The following SPMIP4 variants were observed in gnomAD, a reference collection of about 807,000 sequenced individuals.
SPMIP4 encodes the protein sperm microtubule inner protein 4, also known as sperm-associated microtubule inner protein 4.
chr7:25,165,927 C>G, the SPMIP4 span, among the ~76,000 whole-genome samples: 43 of 152,136 alleles, frequency 2.8e-4, no homozygotes, highest in African/African-American at 1.0e-3. Context: ...TTTGGAACAC[C>G]CCGCTTCCCA....
chr7:25,159,814 G>A, the SPMIP4 span, among the ~76,000 whole-genome samples: 1 of 151,984 alleles, frequency 6.6e-6, no homozygotes, highest in Non-Finnish European at 1.5e-5. Flanking sequence ...GGGCACAAAG[G>A]GCAGGGAAGT....
At chr7:25,134,896 C>G in the SPMIP4 span, 4 of 985,374 alleles carry the variant, frequency 4.1e-6, no homozygotes, top group Non-Finnish European at 4.8e-6. Context: ...ATTATTTCAC[C>G]ATGTAAACTT....
chr7:25,151,829 T>G, the SPMIP4 span: 1 of 498,630 alleles, frequency 2.0e-6, no homozygotes, highest in East Asian at 3.4e-5. Context: ...GAGATTCAGC[T>G]TGCTCTTGAA....
At chr7:25,176,793 T>C in the SPMIP4 span, among the ~76,000 whole-genome samples, 6 of 152,348 alleles carry the variant, frequency 3.9e-5, no homozygotes, top group East Asian at 1.2e-3. The surrounding 1 kb of genome is among the most constrained non-coding windows in gnomAD (Gnocchi z 4.4). Context: ...ATGAGGAATG[T>C]GTGTTAGTTT....
chr7:25,164,175 C>T, the SPMIP4 span, among the ~76,000 whole-genome samples: 1 of 152,162 alleles, frequency 6.6e-6, no homozygotes. Context: ...GTGCGTCTTA[C>T]TGTTATACTT....
chr7:25,152,795 G>A, the SPMIP4 span, among the ~76,000 whole-genome samples: 1 of 145,370 alleles, frequency 6.9e-6, no homozygotes, highest in Non-Finnish European at 1.5e-5. Context: ...CCAGGCTGGA[G>A]TGCAGTGGCA....
the SPMIP4 span, among the ~76,000 whole-genome samples, chr7:25,134,290 C>G: frequency 6.8e-6 from 1 of 146,686 alleles, no homozygotes; most frequent in African/African-American, 2.6e-5. Flanking sequence ...ACAAAACACA[C>G]ACACACACAC....
At chr7:25,147,105 G>A in the SPMIP4 span, among the ~76,000 whole-genome samples, 4 of 152,072 alleles carry the variant, frequency 2.6e-5, no homozygotes, top group Admixed American at 6.6e-5. Flanking sequence ...AGGCCAGCCC[G>A]GACAACAGGG....
At chr7:25,155,233 G>T in the SPMIP4 span, 3 of 1,483,142 alleles carry the variant, frequency 2.0e-6, no homozygotes, top group Non-Finnish European at 2.7e-6. Context: ...GAAAAGAACA[G>T]AAAGAAGTAT....
At chr7:25,156,982 C>T in the SPMIP4 span, among the ~76,000 whole-genome samples, 214 of 152,026 alleles carry the variant, frequency 1.4e-3, no homozygotes, top group Middle Eastern at 3.4e-3. Context: ...CCACTGCGCC[C>T]GGCCACTCTG....
chr7:25,127,449 T>C, the SPMIP4 span, among the ~76,000 whole-genome samples: 1 of 152,222 alleles, frequency 6.6e-6, no homozygotes, highest in East Asian at 1.9e-4. Flanking sequence ...AATTCTTCCT[T>C]CTGTTTGATC....
At chr7:25,131,679 G>T in the SPMIP4 span, among the ~76,000 whole-genome samples, 1 of 152,222 alleles carries the variant, frequency 6.6e-6, no homozygotes, top group African/African-American at 2.4e-5. The surrounding 1 kb of genome is among the most constrained non-coding windows in gnomAD (Gnocchi z 4.2). Flanking sequence ...TCTGACCTGG[G>T]GTTCTTGGCC....
At chr7:25,149,277 A>G in the SPMIP4 span, among the ~76,000 whole-genome samples, 1 of 138,726 alleles carries the variant, frequency 7.2e-6, no homozygotes, top group African/African-American at 2.6e-5. Flanking sequence ...TTGTAGATAA[A>G]GAACACTGTA....
the SPMIP4 span, among the ~76,000 whole-genome samples, chr7:25,162,375 A>T: frequency 6.6e-6 from 1 of 152,058 alleles, no homozygotes; most frequent in African/African-American, 2.4e-5. Context: ...AATAAAAATT[A>T]GAAGAAATAC....
At chr7:25,163,318 A>C in the SPMIP4 span, among the ~76,000 whole-genome samples, 1 of 152,130 alleles carries the variant, frequency 6.6e-6, no homozygotes, top group East Asian at 1.9e-4. The surrounding 1 kb of genome is among the most constrained non-coding windows in gnomAD (Gnocchi z 4.4). Flanking sequence ...TTCTCTCTAT[A>C]ATCTAGAAAT....
the SPMIP4 span, among the ~76,000 whole-genome samples, chr7:25,140,912 C>G: frequency 6.6e-6 from 1 of 152,144 alleles, no homozygotes; most frequent in African/African-American, 2.4e-5. Context: ...AGTGTTCAAA[C>G]TGAAATAATC....
the SPMIP4 span, chr7:25,142,241 C>G: frequency 6.2e-7 from 1 of 1,608,472 alleles, no homozygotes; most frequent in African/African-American, 1.3e-5. Context: ...AATTACTTAC[C>G]GGCTCTGGGT....
the SPMIP4 span, among the ~76,000 whole-genome samples, chr7:25,156,308 A>C: frequency 6.6e-6 from 1 of 152,158 alleles, no homozygotes; most frequent in Non-Finnish European, 1.5e-5. Flanking sequence ...AACCCTGCTG[A>C]GGTCTTCATC....
chr7:25,165,890 C>T, the SPMIP4 span, among the ~76,000 whole-genome samples: 5 of 152,200 alleles, frequency 3.3e-5, no homozygotes, highest in African/African-American at 1.2e-4. Flanking sequence ...TTACAATACC[C>T]TCTCTACATT....
Sources: allele counts gnomAD v4.1 joint callset (sites outside exome capture counted in the v4.1 genomes callset), GRCh38; gene constraint gnomAD v4.1.1; non-coding constraint Gnocchi (gnomAD v3.1); transcripts MANE v1.5; gene names NCBI Gene and HGNC (gene_info 2026-07-23, HGNC 2026-07-21).